The following DMD variants were observed in gnomAD, a reference collection of about 807,000 sequenced individuals.
DMD encodes the protein dystrophin, also known as mutant dystrophin.
Under a neutral mutation model 330.1 loss-of-function variants are expected in DMD, and 63 were observed. The observed-to-expected ratio is 0.19, with a 90% CI of 0.16 to 0.24. The LOEUF is 0.24. Among genes scored for constraint, DMD ranks in the 10% least tolerant of loss-of-function variants. The pLI is 1.00. For synonymous variants in DMD, 1,223 were observed against 959.8 expected, an observed-to-expected ratio of 1.27 and a Z score of -5.07; for missense variants, 3,344 against 2,684.1, an observed-to-expected ratio of 1.25 and a Z score of -5.43.
At chrX:32,116,585 G>A (rs2096611808) in intron 44 of DMD, among the ~76,000 whole-genome samples, 1 of 111,754 alleles carries the variant, frequency 8.9e-6, no homozygotes, top group Non-Finnish European at 1.9e-5. Context: ...AGCCATTTGA[G>A]GATCAACAGA....
chrX:33,224,815 G>A (rs1282730388), intron 1 of DMD, among the ~76,000 whole-genome samples: 3 of 111,060 alleles, frequency 2.7e-5, no homozygotes, highest in Admixed American at 1.9e-4. Context: ...ATGCTCGTGC[G>A]GGCACAATGG....
At chrX:32,261,206 A>G (rs757292065) in intron 43 of DMD, among the ~76,000 whole-genome samples, 1 of 112,045 alleles carries the variant, frequency 8.9e-6, no homozygotes, top group Admixed American at 9.5e-5. Context: ...GTTTGAAATC[A>G]AAGCTATCAA....
Position 31,180,396 on chromosome X carries a change from A to G in DMD, c.10060T>C (p.Tyr3354His). Residue 3354 changes from tyrosine (Y) to histidine (H), a missense_variant, in exon 69 of 79, where the codon TAT becomes CAT. Coordinates refer to ENST00000357033, the MANE Select transcript of DMD (RefSeq NM_004006.3). ...GRVAKGHKMH[Y>H]PMVEYCTPTT... ...GGAGTGCAATATTCCACCATGGGAT[A>G]GTGCATTTTATGGCCTTTTGCAACT... The G allele has an allele frequency of 8.3e-7, 1 of 1,207,678 alleles. No homozygotes were observed. Among genetic ancestry groups the G allele is most frequent in the Non-Finnish European group, 1.1e-6 (1 of 891,729 alleles).
At chrX:32,655,796 G>A (rs2060524386) in intron 9 of DMD, among the ~76,000 whole-genome samples, 1 of 111,144 alleles carries the variant, frequency 9.0e-6, no homozygotes, top group African/African-American at 3.3e-5. Context: ...AGGTCTATAA[G>A]GACTTGCTTT....
At chrX:32,742,193 T>C (rs1192779952) in intron 7 of DMD, among the ~76,000 whole-genome samples, 1 of 111,988 alleles carries the variant, frequency 8.9e-6, no homozygotes, top group Non-Finnish European at 1.9e-5. Flanking sequence ...TGTCACTGCA[T>C]CTTCTGGCTT....
At chrX:32,059,010 G>A (rs1334383383) in intron 44 of DMD, among the ~76,000 whole-genome samples, 2 of 111,248 alleles carry the variant, frequency 1.8e-5, no homozygotes, top group African/African-American at 3.3e-5. Flanking sequence ...AATACTGCAC[G>A]CATCCACTTA....
intron 37 of DMD, among the ~76,000 whole-genome samples, chrX:32,357,599 A>G (rs2097807717): frequency 2.8e-5 from 3 of 108,945 alleles, no homozygotes; most frequent in African/African-American, 1.0e-4. Context: ...TCATGTCATT[A>G]TTCAGTGGAA....
At chrX:31,358,366 C>T (rs1024766835) in intron 60 of DMD, among the ~76,000 whole-genome samples, 2 of 111,206 alleles carry the variant, frequency 1.8e-5, no homozygotes, top group Non-Finnish European at 1.9e-5. Flanking sequence ...CTTCCCTGGG[C>T]GATAATCTGA....
chrX:32,458,235 C>CA (rs1006183241), intron 25 of DMD, among the ~76,000 whole-genome samples: 3 of 110,416 alleles, frequency 2.7e-5, no homozygotes, highest in African/African-American at 9.8e-5. Flanking sequence ...TTTCCATCCA[C>CA]AAAAAAAATA....
At chrX:31,631,247 A>AGATG (rs377461783) in intron 54 of DMD, among the ~76,000 whole-genome samples, 341 of 110,518 alleles carry the variant, frequency 3.1e-3, no homozygotes, top group African/African-American at 0.011. Context: ...CTGGCATAGT[A>AGATG]GATGCTAAGC....
chrX:31,949,207 C>T (rs1240828841), intron 45 of DMD, among the ~76,000 whole-genome samples: 1 of 111,215 alleles, frequency 9.0e-6, no homozygotes, highest in Non-Finnish European at 1.9e-5. Context: ...GCTAAGATGT[C>T]GATGGAGATT....
chrX:31,718,227 A>G lies in DMD; in HGVS notation c.7660+11404T>C, dbSNP rs137992950. 7.8e-3 allele frequency among the ~76,000 whole-genome samples: 874 copies of G among 112,195 alleles called. 7 individuals are homozygous for G. The highest frequency in any genetic ancestry group is 0.026 in the African/African-American group (816 of 30,881). ...TTTCAAGGCCCTCGACTGGAATTTA[A>G]GAGAAGCAACACTGTCAGGAAAGAC... On this transcript the variant is annotated intron_variant, in intron 52 of 78. Transcript: ENST00000357033.
At position 32,456,052 on chromosome X, in the gene DMD, T is replaced by C; in HGVS notation, c.3433-1220A>G. 1.8e-5 allele frequency among the ~76,000 whole-genome samples: 2 copies of C among 108,633 alleles called. 1 individual carries two copies. The highest frequency in any genetic ancestry group is 1.0e-2 in the Middle Eastern group (2 of 201). 94.3% of individuals were successfully genotyped at this position (108,633 alleles called of 115,157 possible). ...CTATTCAAAAGATGGTATTCTTCTC[T>C]CTGGTTGAAACAACATTATACATTT... On this transcript the variant is annotated intron_variant, in intron 25 of 78. Transcript: ENST00000357033.
chrX:32,244,457 G>C (rs376465766), intron 43 of DMD, among the ~76,000 whole-genome samples: 367 of 63,691 alleles, frequency 5.8e-3, no homozygotes, highest in Admixed American at 7.6e-3. Context: ...ATGATTTATA[G>C]TCCTTTGGGT....
chrX:31,728,148 A>G (rs756583299), intron 52 of DMD, among the ~76,000 whole-genome samples: 27 of 111,203 alleles, frequency 2.4e-4, no homozygotes, highest in Admixed American at 1.7e-3. Context: ...TCAGCCTCCC[A>G]AGTAGCTGGG....
chrX:32,318,951 C>T (rs1191836432), intron 41 of DMD, among the ~76,000 whole-genome samples: 1 of 110,671 alleles, frequency 9.0e-6, no homozygotes, highest in African/African-American at 3.3e-5. Context: ...CATTGACCTG[C>T]CTCATGTGGA....
intron 15 of DMD, among the ~76,000 whole-genome samples, chrX:32,572,546 TAG>T (rs1379937281): frequency 1.1e-5 from 1 of 87,674 alleles, no homozygotes; most frequent in Admixed American, 1.3e-4. Flanking sequence ...AGAGAAACTT[TAG>T]AGTTTTTTTT....
At chrX:32,211,608 G>A (rs771161869) in intron 44 of DMD, among the ~76,000 whole-genome samples, 15 of 111,231 alleles carry the variant, frequency 1.3e-4, no homozygotes, top group African/African-American at 4.2e-4. Flanking sequence ...CTGGTGTTTC[G>A]CTCCCCATGT....
chrX:31,846,718 G>T (rs1040165031), intron 48 of DMD, among the ~76,000 whole-genome samples: 7 of 110,982 alleles, frequency 6.3e-5, no homozygotes, highest in African/African-American at 2.3e-4. Context: ...GCAGCCAAAT[G>T]ACTAGCATCC....
Sources: allele counts gnomAD v4.1 joint callset (sites outside exome capture counted in the v4.1 genomes callset), GRCh38; gene constraint gnomAD v4.1.1; transcripts MANE v1.5; gene names NCBI Gene and HGNC (gene_info 2026-07-23, HGNC 2026-07-21).